SENP1: variants seen among roughly 807,000 people sequenced by gnomAD.
SENP1 encodes sentrin-specific protease 1.
A neutral mutation model predicts 93.0 loss-of-function variants in SENP1; 21 were observed. The ratio of observed to expected loss-of-function variants is 0.23; its 90% confidence interval spans 0.16 to 0.33. SENP1 has a LOEUF of 0.33. SENP1 is among the 10% of genes least tolerant of loss of function. The probability of loss-of-function intolerance (pLI) is 1.00; values close to 1 mark genes in which losing one functional copy is unlikely to be tolerated. For missense variants in SENP1, 591 were observed against 758.7 expected, an observed-to-expected ratio of 0.78 and a Z score of 2.60; for synonymous variants, 256 against 259.6, an observed-to-expected ratio of 0.99 and a Z score of 0.13.
intron 16 of SENP1, among the ~76,000 whole-genome samples, chr12:48,046,761 A>G (rs1277707894): frequency 6.6e-6 from 1 of 152,130 alleles, no homozygotes; most frequent in African/African-American, 2.4e-5. Context: ...AAAGCTTAGT[A>G]AAATATCTGG....
At chr12:48,079,100 T>C (rs1944336376) in intron 6 of SENP1, among the ~76,000 whole-genome samples, 1 of 152,072 alleles carries the variant, frequency 6.6e-6, no homozygotes, top group South Asian at 2.1e-4. Flanking sequence ...CAGTGAGCTG[T>C]GATTGCGCCA....
chr12:48,065,224 A>G lies in SENP1; in HGVS notation c.1120-4T>C. The G allele has an allele frequency of 6.3e-7, 1 of 1,581,910 alleles. No individual in the cohort carries two copies. The highest frequency in any genetic ancestry group is 2.3e-5 in the East Asian group (1 of 44,184). On this transcript the variant is annotated splice_polypyrimidine_tract_variant and splice_region_variant and intron_variant, in intron 11 of 17. Coordinates refer to ENST00000549518, the MANE Select transcript of SENP1 (RefSeq NM_001267594.2). ...AATGTTCCCGCTCCTGCAATCTCTG[A>G]AAGATAAAACTTCAGAGTAAGTGGG...
chr12:48,069,227 G>C (rs1324859550), intron 9 of SENP1, among the ~76,000 whole-genome samples: 1 of 150,972 alleles, frequency 6.6e-6, no homozygotes, highest in Non-Finnish European at 1.5e-5. Context: ...TAGACAGAGA[G>C]AGAAAGGGAC....
At chr12:48,055,937 AC>A (rs1279283141) in intron 13 of SENP1, among the ~76,000 whole-genome samples, 2 of 137,322 alleles carry the variant, frequency 1.5e-5, no homozygotes, top group African/African-American at 5.4e-5. Context: ...ACTATATATA[AC>A]ATATATTAAT....
At chr12:48,057,702 C>T (rs1399230075) in intron 13 of SENP1, among the ~76,000 whole-genome samples, 1 of 150,504 alleles carries the variant, frequency 6.6e-6, no homozygotes, top group African/African-American at 2.4e-5. Flanking sequence ...CCTCTGCTTC[C>T]TGGATTCAAG....
intron 5 of SENP1, among the ~76,000 whole-genome samples, chr12:48,088,153 A>T (rs1265195917): frequency 2.6e-5 from 4 of 152,030 alleles, no homozygotes; most frequent in African/African-American, 9.7e-5. Flanking sequence ...CCCAGGTTCA[A>T]GTGATTCTCC....
At chr12:48,067,868 T>C (rs1257303283) in intron 9 of SENP1, among the ~76,000 whole-genome samples, 1 of 151,648 alleles carries the variant, frequency 6.6e-6, no homozygotes, top group Non-Finnish European at 1.5e-5. Context: ...GCATTTAGTG[T>C]TGTTTGTTTG....
In SENP1 at chr12:48,060,036, G is replaced by A. The variant is rs557978133; in HGVS notation, c.1407+3674C>T. Reference sequence around the variant, plus strand: ...TTGGTACTCAGCCAAAGACTGGAGGGAAGCCCCTCTGCACAGACTCTACCA... The same window carrying A: ...TTGGTACTCAGCCAAAGACTGGAGGAAAGCCCCTCTGCACAGACTCTACCA... On this transcript the variant is annotated intron_variant, in intron 13 of 17. Transcript: ENST00000549518. Among the ~76,000 whole-genome samples the A allele has an allele frequency of 2.9e-3, 446 of 152,194 alleles. 2 individuals are homozygous for A. Among genetic ancestry groups the A allele is most frequent in the Middle Eastern group, 0.01 (3 of 294 alleles).
At position 48,055,985 on chromosome 12, in the gene SENP1, G is replaced by T. The variant is rs531738682; in HGVS notation, c.1408-6853C>A. On this transcript the variant is annotated intron_variant, in intron 13 of 17. Transcript: ENST00000549518. ...TATATCAATATATAATTTAATACAT[G>T]ATATATATTATTTAATATATATTTT... Among the ~76,000 whole-genome samples, 135 of 128,048 alleles carry T rather than the reference G, an allele frequency of 1.1e-3. 1 individual carries two copies. Among genetic ancestry groups the T allele is most frequent in the African/African-American group, 3.8e-3 (124 of 32,788 alleles). The allele number at this position is 128,048 out of a possible 152,430, so 84.0% of individuals were successfully genotyped here.
At position 48,044,374 on chromosome 12, in the gene SENP1, A is replaced by ATG. The variant is rs1941211798; in HGVS notation, c.*946_*947dup. The ATG allele has an allele frequency of 7.0e-6, 1 of 142,436 alleles. No homozygotes were observed. Among genetic ancestry groups the ATG allele is most frequent in the Non-Finnish European group, 1.5e-5 (1 of 65,204 alleles). The allele number at this position is 142,436 out of a possible 1,614,324, so 8.8% of individuals were successfully genotyped here. A position where few individuals can be genotyped will look rare whatever the true frequency, so the allele number is the denominator to read the frequency against. On this transcript the variant is annotated 3_prime_UTR_variant, in exon 18 of 18. Transcript: ENST00000549518. ...TATACATACATATATATATATATAT[A>ATG]TGTATGTGTATATATATATGTATAT... is the stretch of plus-strand genomic sequence containing the variant.
At chr12:48,057,317 C>T (rs1161403991) in intron 13 of SENP1, among the ~76,000 whole-genome samples, 2 of 147,568 alleles carry the variant, frequency 1.4e-5, no homozygotes, top group Non-Finnish European at 3.0e-5. Context: ...GCAACCTCCA[C>T]CTCCCAAGTT....
chr12:48,103,106 C>T (rs1946066953), intron 1 of SENP1, among the ~76,000 whole-genome samples: 1 of 152,168 alleles, frequency 6.6e-6, no homozygotes, highest in Non-Finnish European at 1.5e-5. Context: ...AAAGTTGCTT[C>T]ATAATTGTCA....
intron 3 of SENP1, 78 bp downstream of exon 3, chr12:48,097,916 G>A (rs1239779643): frequency 2.3e-6 from 3 of 1,279,810 alleles, no homozygotes; most frequent in East Asian, 2.5e-5. Flanking sequence ...TTTGAGTGTG[G>A]CATTTAAACT....
At position 48,065,349 on chromosome 12, in the gene SENP1, T is replaced by A. The variant is rs1943227984; in HGVS notation, c.1120-129A>T. The stretch of plus-strand genomic sequence containing the variant: ...GTGCTTAAATGCCCATTGCTTTCGC[T>A]TTTTTGTAAAGTCAAAAAATCATTA... On this transcript the variant is annotated intron_variant, in intron 11 of 17. Coordinates refer to ENST00000549518, the MANE Select transcript of SENP1 (RefSeq NM_001267594.2). 4 of 784,538 alleles carry A rather than the reference T, an allele frequency of 5.1e-6. No individual in the cohort carries two copies. The East Asian group carries it at 1.1e-4, about 21-fold the overall frequency. The allele number at this position is 784,538 out of a possible 1,614,324, so 48.6% of individuals were successfully genotyped here.
chr12:48,064,864 A>G (rs1943189923), intron 12 of SENP1, among the ~76,000 whole-genome samples: 1 of 152,056 alleles, frequency 6.6e-6, no homozygotes, highest in South Asian at 2.1e-4. Context: ...TTTGGTAGAG[A>G]TGGGGTTTTA....
chr12:48,054,454 T>C (rs1156771125), intron 13 of SENP1, among the ~76,000 whole-genome samples: 1 of 152,206 alleles, frequency 6.6e-6, no homozygotes, highest in Admixed American at 6.5e-5. Flanking sequence ...GGGTATATTT[T>C]TTCTGTCCCT....
chr12:48,049,179 CT>C, intron 13 of SENP1, 47 bp from the exon 14 acceptor site: 1 of 1,456,758 alleles, frequency 6.9e-7, no homozygotes, highest in Non-Finnish European at 9.6e-7. Context: ...CAGGCCTAGC[CT>C]TTCAAAATAG....
chr12:48,075,613 C>T (rs554986102), intron 6 of SENP1, among the ~76,000 whole-genome samples: 1 of 152,286 alleles, frequency 6.6e-6, no homozygotes, highest in South Asian at 2.1e-4. Flanking sequence ...AGACCCAATA[C>T]TACATTTAGT....
In SENP1 at chr12:48,064,365, AC is replaced by A. The variant is rs1465607273; in HGVS notation, c.1276-525del. ...TTCAAAGAGAAGTATGGATAAAGAA[AC>A]GGATTATCTAAAAATGTACACAGAC... On this transcript the variant is annotated intron_variant, in intron 12 of 17. Coordinates refer to ENST00000549518, the MANE Select transcript of SENP1 (RefSeq NM_001267594.2). Among the ~76,000 whole-genome samples the A allele has an allele frequency of 2.0e-5, 3 of 152,322 alleles. No individual in the cohort carries two copies. In the East Asian group the frequency reaches 5.8e-4, roughly 29 times the overall value.
Sources: gnomAD v4.1 joint callset for allele counts (sites outside exome capture counted in the v4.1 genomes callset) on GRCh38, gnomAD v4.1.1 for gene constraint, MANE v1.5 for transcripts, NCBI Gene and HGNC (gene_info 2026-07-23, HGNC 2026-07-21) for gene names.